Variants in MCC observed in about 807,000 individuals in gnomAD.
MCC encodes the protein colorectal mutant cancer protein.
In MCC, 90 loss-of-function variants were observed where a neutral mutation model predicts 116.2. The observed-to-expected ratio is 0.77, with a 90% CI of 0.65 to 0.92. The LOEUF is 0.92. MCC is among the 40% of genes least tolerant of loss of function. The pLI, the probability that MCC is intolerant of heterozygous loss-of-function variation, is 0.00. For missense variants in MCC, 1,516 were observed against 1,312.2 expected, an observed-to-expected ratio of 1.16 and a Z score of -2.40; for synonymous variants, 578 against 510.5, an observed-to-expected ratio of 1.13 and a Z score of -1.78.
chr5:113,401,809 CTTTA>C (rs1769695574), intron 1 of MCC, among the ~76,000 whole-genome samples: 1 of 151,168 alleles, frequency 6.6e-6, no homozygotes, highest in South Asian at 2.1e-4. Flanking sequence ...AAGTTAAAAA[CTTTA>C]TTTTTGTATT....
At chr5:113,113,971 T>G (rs1012389392) in intron 6 of MCC, among the ~76,000 whole-genome samples, 1 of 152,072 alleles carries the variant, frequency 6.6e-6, no homozygotes, top group Non-Finnish European at 1.5e-5. Context: ...GTGGTAAAAT[T>G]CTCAGGTGTG....
At position 113,049,287 on chromosome 5, in the gene MCC, C is replaced by A. The variant is rs1287102776; in HGVS notation, c.2461G>T (p.Glu821Ter). 6.3e-7 allele frequency: 1 copy of A among 1,596,190 alleles called. No individual in the cohort carries two copies. The highest frequency in any genetic ancestry group is 8.5e-7 in the Non-Finnish European group (1 of 1,170,506). Residue 821 changes from glutamate (E) to a stop codon, truncating the protein, a stop_gained, in exon 16 of 19, where the codon GAG (glutamate) becomes TAG (stop). Transcript: ENST00000408903. LOFTEE classifies it high-confidence loss of function. ...ELMAMKEEMA[E>*]LKAQLYLLEK... ...AGTAGGTAGAGCTGGGCCTTCAACTCGGCCATCTCCTCCTACAGACAAAGG... is the reference window on the plus strand; with the variant it reads ...AGTAGGTAGAGCTGGGCCTTCAACTAGGCCATCTCCTCCTACAGACAAAGG...
chr5:113,488,342 T>G lies in MCC; in HGVS notation c.73A>C (p.Ser25Arg). 1 of 1,531,204 alleles carries G rather than the reference T, an allele frequency of 6.5e-7. No individual in the cohort carries two copies. The highest frequency in any genetic ancestry group is 8.7e-7 in the Non-Finnish European group (1 of 1,145,794). 94.9% of individuals were successfully genotyped at this position (1,531,204 alleles called of 1,614,324 possible). ...SGGGGGGSGSSSSSSDTSSTG... is the reference protein window; with the variant it reads ...SGGGGGGSGSRSSSSDTSSTG... Reference sequence around the variant, plus strand: ...CTGGACGTGTCGCTGCTGCTGCTGCTGCTGCCGCTGCCGCCGCCGCCGCCG... The same window carrying G: ...CTGGACGTGTCGCTGCTGCTGCTGCGGCTGCCGCTGCCGCCGCCGCCGCCG... Residue 25 changes from serine (S) to arginine (R), a missense_variant, in exon 1 of 19, where the codon AGC becomes CGC. Coordinates refer to ENST00000408903, the MANE Select transcript of MCC (RefSeq NM_001085377.2).
chr5:113,096,563 T>A (rs191987645), intron 8 of MCC, among the ~76,000 whole-genome samples: 1 of 152,264 alleles, frequency 6.6e-6, no homozygotes, highest in East Asian at 1.9e-4. Flanking sequence ...TACTGTTGAA[T>A]ATCCACATGT....
chr5:113,460,490 G>C (rs1031822968), intron 1 of MCC, among the ~76,000 whole-genome samples: 3 of 152,188 alleles, frequency 2.0e-5, no homozygotes, highest in Non-Finnish European at 4.4e-5. Flanking sequence ...TTGTGAGTCA[G>C]TAGCTCACCC....
At chr5:113,255,208 C>G (rs142375690) in intron 3 of MCC, among the ~76,000 whole-genome samples, 168 of 152,248 alleles carry the variant, frequency 1.1e-3, no homozygotes, top group African/African-American at 3.8e-3. Flanking sequence ...TATTCCCCCA[C>G]CCCTTTTGCA....
intron 6 of MCC, among the ~76,000 whole-genome samples, chr5:113,107,498 C>T (rs780279098): frequency 3.9e-5 from 6 of 152,040 alleles, no homozygotes; most frequent in Non-Finnish European, 7.4e-5. Context: ...CTGCTAAGAA[C>T]TAGGATGCTC....
At chr5:113,311,675 A>G (rs1019467394) in intron 3 of MCC, among the ~76,000 whole-genome samples, 18 of 152,006 alleles carry the variant, frequency 1.2e-4, no homozygotes, top group African/African-American at 4.3e-4. Flanking sequence ...TTAATCATTA[A>G]AAAAAAATAA....
At chr5:113,370,066 T>C (rs1768800246) in intron 2 of MCC, among the ~76,000 whole-genome samples, 1 of 152,164 alleles carries the variant, frequency 6.6e-6, no homozygotes, top group Non-Finnish European at 1.5e-5. Context: ...GGATATAACT[T>C]AGTCAACATC....
In MCC at chr5:113,452,473, TG is replaced by T. The variant is rs1191646667; in HGVS notation, c.170+35771del. Among the ~76,000 whole-genome samples, 2 of 152,170 alleles carry T rather than the reference TG, an allele frequency of 1.3e-5. 1 individual carries two copies. Among genetic ancestry groups the T allele is most frequent in the Non-Finnish European group, 2.9e-5 (2 of 68,038 alleles). ...TAAAGGAGGCCCCAGAGAGCTGCCT[TG>T]CCCTTCTACCATATGAAGAGAGTGA... On this transcript the variant is annotated intron_variant, in intron 1 of 18. Transcript: ENST00000408903.
intron 3 of MCC, among the ~76,000 whole-genome samples, chr5:113,206,679 A>G (rs1762924837): frequency 6.6e-6 from 1 of 152,268 alleles, no homozygotes; most frequent in South Asian, 2.1e-4. Context: ...ACTGCATTCC[A>G]GCCTGTGCGA....
intron 1 of MCC, among the ~76,000 whole-genome samples, chr5:113,451,725 A>T (rs1198741684): frequency 6.6e-6 from 1 of 152,232 alleles, no homozygotes; most frequent in African/African-American, 2.4e-5. Flanking sequence ...TCTCAAAAAA[A>T]GAAGGAAGGA....
At chr5:113,276,805 ATTT>A (rs35658846) in intron 3 of MCC, among the ~76,000 whole-genome samples, 4 of 129,106 alleles carry the variant, frequency 3.1e-5, no homozygotes, top group Admixed American at 1.6e-4. Context: ...TTTTCTTCTT[ATTT>A]TTTTTTTTTT....
At chr5:113,296,217 G>C (rs1251490610) in intron 3 of MCC, among the ~76,000 whole-genome samples, 1 of 152,132 alleles carries the variant, frequency 6.6e-6, no homozygotes, top group Non-Finnish European at 1.5e-5. Flanking sequence ...ATTGAAATCT[G>C]TTGAAAACTG....
chr5:113,225,007 A>G (rs1410238450), intron 3 of MCC, among the ~76,000 whole-genome samples: 2 of 152,232 alleles, frequency 1.3e-5, no homozygotes, highest in African/African-American at 4.8e-5. Flanking sequence ...ATACTCGGTT[A>G]AAAATAAAAA....
At chr5:113,334,590 ATT>A (rs58288026) in intron 3 of MCC, among the ~76,000 whole-genome samples, 16 of 120,844 alleles carry the variant, frequency 1.3e-4, no homozygotes, top group East Asian at 4.5e-4. Flanking sequence ...CTGATTTCTG[ATT>A]TTTTTTTTTT....
intron 2 of MCC, among the ~76,000 whole-genome samples, chr5:113,346,625 AACAACAAC>A (rs1768140149): frequency 3.0e-5 from 4 of 133,934 alleles, no homozygotes; most frequent in Non-Finnish European, 3.3e-5. Context: ...CAACAACAAC[AACAACAAC>A]AAAAAAAACA....
rs1027213819 is a variant in MCC, at chr5:113,023,370, A to G, written c.*3932T>C. On this transcript the variant is annotated 3_prime_UTR_variant, in exon 19 of 19. Transcript: ENST00000408903. ...CAAACTTGTATATCATTCCTTGTCA[A>G]ATAGGCTGTTCCCACTGGATAAGAA... 1 of 152,258 alleles carries G rather than the reference A, an allele frequency of 6.6e-6. No homozygotes were observed. Among genetic ancestry groups the G allele is most frequent in the African/African-American group, 2.4e-5 (1 of 41,472 alleles). 9.4% of individuals were successfully genotyped at this position (152,258 alleles called of 1,614,324 possible).
chr5:113,095,125 G>A (rs981787969), intron 8 of MCC, among the ~76,000 whole-genome samples: 1 of 152,112 alleles, frequency 6.6e-6, no homozygotes, highest in African/African-American at 2.4e-5. Flanking sequence ...CAGGAGAGTG[G>A]GTCTGTGAAA....
Sources: allele counts gnomAD v4.1 joint callset (sites outside exome capture counted in the v4.1 genomes callset), GRCh38; gene constraint gnomAD v4.1.1; transcripts MANE v1.5; gene names NCBI Gene and HGNC (gene_info 2026-07-23, HGNC 2026-07-21).